The following ZFR variants were observed in gnomAD, a reference collection of about 807,000 sequenced individuals.
The protein encoded by ZFR is zinc finger RNA-binding protein.
ZFR carries 19 observed loss-of-function variants against 130.7 expected under a neutral mutation model. The ratio of observed to expected loss-of-function variants is 0.15; its 90% CI spans 0.10 to 0.21. ZFR has a LOEUF of 0.21. Among genes scored for constraint, ZFR ranks in the 10% least tolerant of loss-of-function variants. The pLI is 1.00. For missense variants in ZFR, 872 were observed against 1,321.5 expected, an observed-to-expected ratio of 0.66 and a Z score of 5.27; for synonymous variants, 466 against 456.9, an observed-to-expected ratio of 1.02 and a Z score of -0.25.
chr5:32,397,849 CTTT>C lies in ZFR; in HGVS notation c.1714-514_1714-512del, dbSNP rs70961626. Among the ~76,000 whole-genome samples the C allele has an allele frequency of 9.0e-5, 6 of 66,876 alleles. No homozygotes were observed. In the South Asian group the frequency reaches 4.2e-3, roughly 47 times the overall value. 43.9% of individuals were successfully genotyped at this position (66,876 alleles called of 152,430 possible). A position where few individuals can be genotyped will look rare whatever the true frequency, so the allele number is the denominator to read the frequency against. On this transcript the variant is annotated intron_variant, in intron 9 of 19. Coordinates refer to ENST00000265069, the MANE Select transcript of ZFR (RefSeq NM_016107.5). ...TGATAGCATGTGTTTGCTCTTGTATCTTTTTTTTTTTTTTTTTTTTTTTTTTGA... is the reference window on the plus strand; with the variant it reads ...TGATAGCATGTGTTTGCTCTTGTATCTTTTTTTTTTTTTTTTTTTTTTTGA...
chr5:32,368,462 T>C (rs888801961), intron 17 of ZFR, among the ~76,000 whole-genome samples: 5 of 152,176 alleles, frequency 3.3e-5, no homozygotes, highest in East Asian at 1.9e-4. Context: ...TCTTGAACTC[T>C]TGACCTCAGG....
At chr5:32,358,148 G>A (rs1324949776) in intron 19 of ZFR, among the ~76,000 whole-genome samples, 2 of 152,212 alleles carry the variant, frequency 1.3e-5, no homozygotes, top group African/African-American at 4.8e-5. Context: ...GCTTAAGTCA[G>A]GAGTTTGAGA....
chr5:32,418,859 T>C (rs769426113), intron 3 of ZFR, among the ~76,000 whole-genome samples: 1 of 151,944 alleles, frequency 6.6e-6, no homozygotes, highest in Non-Finnish European at 1.5e-5. Flanking sequence ...TTAAAGAAAT[T>C]AGGACCAAAT....
chr5:32,400,942 C>T (rs1176606786), intron 8 of ZFR, among the ~76,000 whole-genome samples: 1 of 152,112 alleles, frequency 6.6e-6, no homozygotes, highest in Non-Finnish European at 1.5e-5. Flanking sequence ...CAAACTTAGT[C>T]CAAACAAAGT....
chr5:32,421,315 A>G (rs1753952596), intron 2 of ZFR, among the ~76,000 whole-genome samples: 1 of 150,196 alleles, frequency 6.7e-6, no homozygotes, highest in African/African-American at 2.4e-5. Flanking sequence ...TAAGAGAAAG[A>G]AAAAAAAAAT....
chr5:32,380,226 G>A (rs780324895), intron 15 of ZFR, 54 bp from the exon 16 acceptor site: 8 of 1,371,556 alleles, frequency 5.8e-6, no homozygotes, highest in Non-Finnish European at 8.3e-6. Flanking sequence ...TTGACCAGGT[G>A]AGCAAGACAC....
At chr5:32,380,249 G>C (rs964193846) in intron 15 of ZFR, 77 bp from the exon 16 acceptor site, 1 of 1,058,248 alleles carries the variant, frequency 9.4e-7, no homozygotes, top group South Asian at 1.4e-5. Flanking sequence ...CCTTAAGGTA[G>C]CATCAGTGTC....
intron 19 of ZFR, 107 bp downstream of exon 19, chr5:32,363,841 A>G (rs1412206810): frequency 7.7e-6 from 7 of 910,260 alleles, no homozygotes; most frequent in Non-Finnish European, 1.1e-5. Context: ...CAGAAGCAGA[A>G]GAACGAATAT....
At chr5:32,377,137 C>T (rs1362001153) in intron 17 of ZFR, among the ~76,000 whole-genome samples, 1 of 138,070 alleles carries the variant, frequency 7.2e-6, no homozygotes, top group Non-Finnish European at 1.5e-5. Context: ...GCCTGGGCAA[C>T]AGAGCAAGAC....
At chr5:32,425,711 A>C (rs1754059141) in intron 2 of ZFR, among the ~76,000 whole-genome samples, 1 of 152,108 alleles carries the variant, frequency 6.6e-6, no homozygotes, top group Non-Finnish European at 1.5e-5. Flanking sequence ...TTTTTAGTAG[A>C]GACACGGTTT....
chr5:32,402,196 T>G (rs1172430508), intron 8 of ZFR, among the ~76,000 whole-genome samples: 1 of 152,106 alleles, frequency 6.6e-6, no homozygotes, highest in East Asian at 1.9e-4. Context: ...ATAATCTTAG[T>G]AACACTACCA....
At position 32,355,110 on chromosome 5, in the gene ZFR, G is replaced by C. The variant is rs1752276953; in HGVS notation, c.*650C>G. The C allele has an allele frequency of 6.6e-6, 1 of 152,134 alleles. No homozygotes were observed. Among genetic ancestry groups the C allele is most frequent in the African/African-American group, 2.4e-5 (1 of 41,426 alleles). 9.4% of individuals were successfully genotyped at this position (152,134 alleles called of 1,614,324 possible). ...CTAATGCACAACTAACAGCAAACTT[G>C]ATTAGATTAACAGAACTCTGTCTTA... On this transcript the variant is annotated 3_prime_UTR_variant, in exon 20 of 20. Coordinates refer to ENST00000265069, the MANE Select transcript of ZFR (RefSeq NM_016107.5).
chr5:32,364,449 T>C (rs541589971), intron 17 of ZFR, 174 bp from the exon 18 acceptor site: 21 of 403,598 alleles, frequency 5.2e-5, no homozygotes, highest in African/African-American at 1.2e-4. Context: ...AATTAAGGAA[T>C]AGGCCGGGCA....
At chr5:32,432,307 C>T (rs571565056) in intron 2 of ZFR, among the ~76,000 whole-genome samples, 3 of 152,146 alleles carry the variant, frequency 2.0e-5, no homozygotes, top group South Asian at 4.2e-4. Flanking sequence ...CAGGGCAATA[C>T]GGAATAAAAA....
Position 32,439,300 on chromosome 5 carries a change from G to GT in ZFR, c.137+4928dup, listed in dbSNP as rs535590243. ...TTGGTTTCAAAAACCTGTTCACCTGGTTTTTTTACTTTCTCAGTGTTTAAT... is the reference window on the plus strand; with the variant it reads ...TTGGTTTCAAAAACCTGTTCACCTGGTTTTTTTTACTTTCTCAGTGTTTAAT... On this transcript the variant is annotated intron_variant, in intron 2 of 19. Coordinates refer to ENST00000265069, the MANE Select transcript of ZFR (RefSeq NM_016107.5). Among the ~76,000 whole-genome samples, 1,038 of 152,154 alleles carry GT rather than the reference G, an allele frequency of 6.8e-3. 10 individuals are homozygous for GT. Among genetic ancestry groups the GT allele is most frequent in the Non-Finnish European group, 0.011 (745 of 68,006 alleles).
chr5:32,419,882 TA>T lies in ZFR; in HGVS notation c.358del (p.Tyr120IlefsTer27). The T allele has an allele frequency of 6.2e-7, 1 of 1,613,706 alleles. No individual in the cohort carries two copies. On this transcript the variant is annotated frameshift_variant, in exon 3 of 20. Transcript: ENST00000265069. LOFTEE classifies it high-confidence loss of function. ...TGGTGCTTCTTGTTGCCTCTGAGTATAACCATAGTCAGTTGCTGTGTGTGCA... is the reference window on the plus strand; with the variant it reads ...TGGTGCTTCTTGTTGCCTCTGAGTATACCATAGTCAGTTGCTGTGTGTGCA... Reference protein sequence around the residue: ...PTAHTATDYGYTQRQQEAPPP... With the variant: ...PTAHTATDYGXTQRQQEAPPP...
Position 32,390,356 on chromosome 5 carries a change from T to A in ZFR, c.2061A>T (p.Gly687=). The A allele has an allele frequency of 6.2e-7, 1 of 1,614,056 alleles. No homozygotes were observed. Among genetic ancestry groups the A allele is most frequent in the South Asian group, 1.1e-5 (1 of 91,082 alleles). Reference sequence around the variant, plus strand: ...GGCCTGGAGGACCATGAGGATAACCTCCATCTGGCATTCGGCGGCGATCAT... The same window carrying A: ...GGCCTGGAGGACCATGAGGATAACCACCATCTGGCATTCGGCGGCGATCAT... ...HWDDRRRMPD[G]GYPHGPPGPL... The change falls in exon 12 of 20, where the codon GGA becomes GGT. Residue 687 remains glycine, a synonymous_variant. Transcript: ENST00000265069.
intron 17 of ZFR, among the ~76,000 whole-genome samples, chr5:32,374,200 A>ATT (rs1752743596): frequency 6.6e-6 from 1 of 152,314 alleles, no homozygotes; most frequent in East Asian, 1.9e-4. Flanking sequence ...CAATGCTTGT[A>ATT]TTTCCATACA....
intron 5 of ZFR, 33 bp from the exon 6 acceptor site, chr5:32,407,054 A>G: frequency 7.0e-7 from 1 of 1,429,564 alleles, no homozygotes; most frequent in South Asian, 1.6e-5. Context: ...AAATTATGTT[A>G]CATACTTATA....
Sources: gnomAD v4.1 joint callset for allele counts (sites outside exome capture counted in the v4.1 genomes callset) on GRCh38, gnomAD v4.1.1 for gene constraint, MANE v1.5 for transcripts, NCBI Gene and HGNC (gene_info 2026-07-23, HGNC 2026-07-21) for gene names.